The following ANKFY1 variants were observed in gnomAD, a reference collection of about 807,000 sequenced individuals.
ANKFY1 encodes the protein ankyrin repeat and FYVE domain-containing protein 1.
A neutral mutation model predicts 128.3 loss-of-function variants in ANKFY1; 47 were observed. That is an observed-to-expected ratio of 0.37 (90% CI 0.29 to 0.47). ANKFY1 has a LOEUF of 0.47. Ranked by LOEUF, ANKFY1 falls within the 20% of genes least tolerant of loss-of-function variation. The pLI, the probability that ANKFY1 is intolerant of heterozygous loss-of-function variation, is 1.00. For synonymous variants in ANKFY1, 553 were observed against 601.6 expected (o/e 0.92, Z 1.18); for missense variants, 1,222 against 1,510.6 (o/e 0.81, Z 3.17).
intron 3 of ANKFY1, chr17:4,223,935 C>A: frequency 1.7e-6 from 1 of 580,886 alleles, no homozygotes; most frequent in Non-Finnish European, 3.0e-6. Context: ...GAACACTGTG[C>A]CTCAGCAATG....
At chr17:4,263,567 G>A (rs1567989424) in intron 1 of ANKFY1, 7 of 1,528,056 alleles carry the variant, frequency 4.6e-6, no homozygotes, top group Non-Finnish European at 6.1e-6. Context: ...CAGGACAGCA[G>A]TTTCGATTTC....
intron 3 of ANKFY1, among the ~76,000 whole-genome samples, chr17:4,235,338 C>T (rs1412952040): frequency 8.3e-5 from 2 of 24,110 alleles, no homozygotes; most frequent in East Asian, 1.5e-3. Context: ...GAGACTCTGT[C>T]TCAAAAAAAA....
chr17:4,242,051 T>C (rs953773536), intron 2 of ANKFY1, among the ~76,000 whole-genome samples: 4 of 145,966 alleles, frequency 2.7e-5, no homozygotes, highest in Non-Finnish European at 5.9e-5. Flanking sequence ...ATCTCACCAC[T>C]GCACTCCAGC....
intron 1 of ANKFY1, among the ~76,000 whole-genome samples, chr17:4,259,069 G>A (rs1968273196): frequency 1.3e-5 from 2 of 152,192 alleles, no homozygotes; most frequent in Non-Finnish European, 2.9e-5. Context: ...AGTCGCTGTG[G>A]AAGAAACATT....
chr17:4,168,109 C>A (rs1016339262), intron 24 of ANKFY1, 198 bp from the exon 25 acceptor site: 8 of 463,400 alleles, frequency 1.7e-5, no homozygotes, highest in East Asian at 3.6e-5. Flanking sequence ...AGTCAATCAT[C>A]AAGTTAAAGC....
At chr17:4,183,256 G>A (rs1324408748) in intron 14 of ANKFY1, 142 bp downstream of exon 14, 34 of 937,622 alleles carry the variant, frequency 3.6e-5, no homozygotes, top group African/African-American at 4.9e-5. Context: ...TGATGACACC[G>A]CAGTTGTGTG....
intron 17 of ANKFY1, chr17:4,179,264 C>T (rs944483530): frequency 4.4e-5 from 27 of 613,582 alleles, no homozygotes; most frequent in South Asian, 1.4e-4. Flanking sequence ...CAGTGGTGAC[C>T]GTAGGACCAG....
chr17:4,224,097 A>G (rs1251053780), intron 3 of ANKFY1, among the ~76,000 whole-genome samples: 2 of 152,246 alleles, frequency 1.3e-5, no homozygotes, highest in Non-Finnish European at 2.9e-5. Context: ...ACATTGTTAC[A>G]AAATGAACAG....
At position 4,241,856 on chromosome 17, in the gene ANKFY1, G is replaced by A. The variant is rs1444762804; in HGVS notation, c.203+400C>T. On this transcript the variant is annotated intron_variant, in intron 2 of 24. Coordinates refer to ENST00000341657, the MANE Select transcript of ANKFY1 (RefSeq NM_001330063.2). Reference sequence around the variant, plus strand: ...TGTAATCCCAGCACTCTGGGAGGCCGAGGCAGGCGGACCATGAGGTCAGGA... The same window carrying A: ...TGTAATCCCAGCACTCTGGGAGGCCAAGGCAGGCGGACCATGAGGTCAGGA... 2.6e-5 allele frequency among the ~76,000 whole-genome samples: 4 copies of A among 151,814 alleles called. No homozygotes were observed. The East Asian group carries it at 7.9e-4, about 30-fold the overall frequency.
Position 4,217,136 on chromosome 17 carries a change from G to A in ANKFY1, c.323-18C>T. On this transcript the variant is annotated intron_variant, in intron 3 of 24. Coordinates refer to ENST00000341657, the MANE Select transcript of ANKFY1 (RefSeq NM_001330063.2). ...ATTAGCATCTGGTTAAAGAAAGAGA[G>A]AACAACTGAAAAAGCATAGAATGAC... The A allele has an allele frequency of 6.2e-7, 1 of 1,603,600 alleles. No homozygotes were observed. Among genetic ancestry groups the A allele is most frequent in the Non-Finnish European group, 8.5e-7 (1 of 1,172,962 alleles).
chr17:4,222,792 G>A (rs2060348855), intron 3 of ANKFY1: 6 of 1,015,886 alleles, frequency 5.9e-6, no homozygotes, highest in South Asian at 2.5e-5. Flanking sequence ...TATGAAAAGG[G>A]TTGAACTGGA....
At chr17:4,195,518 A>T (rs2059802271) in intron 8 of ANKFY1, 47 bp from the exon 9 acceptor site, 3 of 1,494,162 alleles carry the variant, frequency 2.0e-6, no homozygotes, top group African/African-American at 1.4e-5. Context: ...AGGCCTGTTC[A>T]GGATGACTCA....
Position 4,172,849 on chromosome 17 carries a change from G to A in ANKFY1, c.3015-169C>T, listed in dbSNP as rs538965839. Among the ~76,000 whole-genome samples the A allele has an allele frequency of 2.2e-4, 34 of 152,324 alleles. 1 individual carries two copies. Among genetic ancestry groups the A allele is most frequent in the Admixed American group, 2.2e-3 (33 of 15,294 alleles). On this transcript the variant is annotated intron_variant, in intron 21 of 24. Transcript: ENST00000341657. ...GTATTTTACTGTAACCTAAGTGCAT[G>A]CATAACAAAAGTTTTTTTGTTTGTT...
intron 7 of ANKFY1, among the ~76,000 whole-genome samples, chr17:4,202,779 C>A (rs2059957027): frequency 6.7e-6 from 1 of 148,316 alleles, no homozygotes. Context: ...GTATAATACA[C>A]CAAACATACA....
Position 4,166,146 on chromosome 17 carries a change from TCA to T in ANKFY1, c.*1631_*1632del, listed in dbSNP as rs1463219502. 6.6e-6 allele frequency: 1 copy of T among 152,212 alleles called. No individual in the cohort carries two copies. Among genetic ancestry groups the T allele is most frequent in the Non-Finnish European group, 1.5e-5 (1 of 68,046 alleles). 9.4% of individuals were successfully genotyped at this position (152,212 alleles called of 1,614,324 possible). A position where few individuals can be genotyped will look rare whatever the true frequency, so the allele number is the denominator to read the frequency against. On this transcript the variant is annotated 3_prime_UTR_variant, in exon 25 of 25. Coordinates refer to ENST00000341657, the MANE Select transcript of ANKFY1 (RefSeq NM_001330063.2). ...ATAGAAAGCATATACATCTTATAAA[TCA>T]CAGACTTTTTTTTAAGTAGTACTCC...
At chr17:4,207,176 CG>C (rs2060041571) in intron 6 of ANKFY1, among the ~76,000 whole-genome samples, 1 of 150,050 alleles carries the variant, frequency 6.7e-6, no homozygotes, top group Non-Finnish European at 1.5e-5. Flanking sequence ...ACAGAGGGCC[CG>C]ATCTATCTAA....
intron 7 of ANKFY1, among the ~76,000 whole-genome samples, chr17:4,199,949 C>G (rs1440653930): frequency 6.6e-6 from 1 of 152,158 alleles, no homozygotes; most frequent in African/African-American, 2.4e-5. Context: ...ACACACAGAA[C>G]AGAAACCTGT....
At chr17:4,239,730 G>T (rs75773270) in intron 2 of ANKFY1, among the ~76,000 whole-genome samples, 83 of 152,052 alleles carry the variant, frequency 5.5e-4, no homozygotes, top group African/African-American at 1.9e-3. Context: ...GTACAGACGG[G>T]GTTTCCTCAT....
chr17:4,168,033 T>G (rs1311591263), intron 24 of ANKFY1, 122 bp from the exon 25 acceptor site: 1 of 1,063,448 alleles, frequency 9.4e-7, no homozygotes, highest in African/African-American at 1.6e-5. Flanking sequence ...CTCTGGCAAC[T>G]CTGCCAACTG....
Sources: gnomAD v4.1 joint callset for allele counts (sites outside exome capture counted in the v4.1 genomes callset) on GRCh38, gnomAD v4.1.1 for gene constraint, MANE v1.5 for transcripts, NCBI Gene and HGNC (gene_info 2026-07-23, HGNC 2026-07-21) for gene names.